The following B4GALNT3 variants were observed in gnomAD, a reference collection of about 807,000 sequenced individuals.
The protein encoded by B4GALNT3 is beta-1,4-N-acetyl-galactosaminyltransferase 3.
B4GALNT3 carries 86 observed loss-of-function variants against 120.2 expected under a neutral mutation model. That is an observed-to-expected ratio of 0.72 (90% CI 0.60 to 0.86). B4GALNT3 has a LOEUF of 0.86. B4GALNT3 is among the 40% of genes least tolerant of loss of function. The pLI is 0.00. For synonymous variants in B4GALNT3, 518 were observed against 510.4 expected (o/e 1.01, Z -0.20); for missense variants, 1,167 against 1,298.9 (o/e 0.90, Z 1.56).
chr12:474,488 G>C (rs756004475), intron 1 of B4GALNT3, among the ~76,000 whole-genome samples: 3 of 152,160 alleles, frequency 2.0e-5, no homozygotes, highest in Non-Finnish European at 4.4e-5. Context: ...TTTGTGGAGA[G>C]ATTTTTAACC....
chr12:507,117 C>T (rs934676992), intron 1 of B4GALNT3, among the ~76,000 whole-genome samples: 2 of 152,168 alleles, frequency 1.3e-5, no homozygotes, highest in African/African-American at 2.4e-5. Flanking sequence ...ATTATTAACT[C>T]AAGTTCATAC....
intron 1 of B4GALNT3, among the ~76,000 whole-genome samples, chr12:481,087 GAA>G (rs1946238151): frequency 6.6e-6 from 1 of 152,252 alleles, no homozygotes; most frequent in Non-Finnish European, 1.5e-5. Flanking sequence ...GACGCTGAGG[GAA>G]GGCGAGGTGG....
In B4GALNT3 at chr12:552,292, T is replaced by TACACACACAC. The variant is rs10604398; in HGVS notation, c.1209-140_1209-131dup. 5.0e-4 allele frequency: 312 copies of TACACACACAC among 627,106 alleles called. 2 individuals carry two copies. The highest frequency in any genetic ancestry group is 3.9e-3 in the African/African-American group (198 of 50,552). 38.8% of individuals were successfully genotyped at this position (627,106 alleles called of 1,614,324 possible). ...CTTTGCTCTTGCTCTTCCTGAGTACTACACACACACACACACACACACACA... is the reference window on the plus strand; with the variant it reads ...CTTTGCTCTTGCTCTTCCTGAGTACTACACACACACACACACACACACACACACACACACA... On this transcript the variant is annotated intron_variant, in intron 12 of 19. Coordinates refer to ENST00000266383, the MANE Select transcript of B4GALNT3 (RefSeq NM_173593.4).
intron 9 of B4GALNT3, among the ~76,000 whole-genome samples, chr12:549,538 C>T (rs531849677): frequency 7.9e-5 from 12 of 152,364 alleles, no homozygotes; most frequent in African/African-American, 2.4e-4. Flanking sequence ...TTTCCGAGTA[C>T]GCAACACAGT....
At chr12:496,112 C>A (rs1399806386) in intron 1 of B4GALNT3, among the ~76,000 whole-genome samples, 3 of 152,098 alleles carry the variant, frequency 2.0e-5, no homozygotes, top group African/African-American at 7.2e-5. Context: ...CATGCCATGT[C>A]CCCTGTCCAG....
At chr12:513,223 C>A (rs568149127) in intron 1 of B4GALNT3, among the ~76,000 whole-genome samples, 1 of 152,190 alleles carries the variant, frequency 6.6e-6, no homozygotes, top group East Asian at 1.9e-4. Context: ...CACTACCGTT[C>A]TTGGATTTTG....
intron 1 of B4GALNT3, among the ~76,000 whole-genome samples, chr12:467,022 G>C (rs1252928666): frequency 6.6e-6 from 1 of 152,114 alleles, no homozygotes; most frequent in Non-Finnish European, 1.5e-5. Context: ...CATCAGCATA[G>C]ATTAGTTTAG....
In B4GALNT3 at chr12:550,904, C is replaced by T. The variant is rs765865272; in HGVS notation, c.998-18C>T. The T allele has an allele frequency of 5.7e-6, 9 of 1,586,210 alleles. No individual in the cohort carries two copies. The African/African-American group carries it at 8.1e-5, about 14-fold the overall frequency. On this transcript the variant is annotated intron_variant, in intron 10 of 19. Transcript: ENST00000266383. This position sits in a 1 kb window ranked among gnomAD's most constrained non-coding sequence, Gnocchi z 4.1. The stretch of plus-strand genomic sequence containing the variant: ...GTGCTCACCCTCACCCTCACTCCTC[C>T]TCCTCCACTGTCCTCAGTGCCTCTG...
intron 1 of B4GALNT3, among the ~76,000 whole-genome samples, chr12:508,796 G>T (rs562462501): frequency 4.6e-5 from 7 of 152,304 alleles, no homozygotes; most frequent in African/African-American, 1.7e-4. Context: ...CACTTCAGCC[G>T]AAGTAAGGGA....
chr12:520,324 A>G (rs976131156), intron 1 of B4GALNT3, among the ~76,000 whole-genome samples: 8 of 152,226 alleles, frequency 5.3e-5, no homozygotes, highest in South Asian at 4.1e-4. Context: ...GACTATAGAG[A>G]TCTTTGAAAC....
chr12:493,963 G>T (rs1300739598), intron 1 of B4GALNT3, among the ~76,000 whole-genome samples: 1 of 152,082 alleles, frequency 6.6e-6, no homozygotes, highest in Non-Finnish European at 1.5e-5. Flanking sequence ...AATGACATAG[G>T]TCATCATTAG....
intron 1 of B4GALNT3, among the ~76,000 whole-genome samples, chr12:532,215 A>G (rs1001111941): frequency 6.6e-6 from 1 of 152,218 alleles, no homozygotes; most frequent in Non-Finnish European, 1.5e-5. Context: ...GCTGTTGACT[A>G]GCCCAAGTTT....
At chr12:555,882 C>T (rs1412391287) in intron 14 of B4GALNT3, among the ~76,000 whole-genome samples, 2 of 151,982 alleles carry the variant, frequency 1.3e-5, no homozygotes, top group Admixed American at 6.6e-5. Context: ...CTCCCGGGTT[C>T]ACGCCATTCT....
chr12:465,521 T>C lies in B4GALNT3; in HGVS notation c.169+4976T>C, dbSNP rs547665832. ...TAAGCGATAAGACATCAATGGTTTT[T>C]TTTTTTTTAATCATAAGCGTATTTT... On this transcript the variant is annotated intron_variant, in intron 1 of 19. Transcript: ENST00000266383. Among the ~76,000 whole-genome samples, 245 of 152,316 alleles carry C rather than the reference T, an allele frequency of 1.6e-3. 1 individual carries two copies. The highest frequency in any genetic ancestry group is 5.5e-3 in the African/African-American group (227 of 41,566).
intron 1 of B4GALNT3, among the ~76,000 whole-genome samples, chr12:493,385 A>T (rs1946361723): frequency 6.6e-6 from 1 of 152,220 alleles, no homozygotes; most frequent in African/African-American, 2.4e-5. Flanking sequence ...CACACCTATT[A>T]GAATGGCCAA....
chr12:460,286 C>A lies in B4GALNT3; in HGVS notation c.-91C>A. ...GCAGCCCTGAGACGCTGGGCCGGGACGCGGGGCGCCCTGGGCGCGGGGCCC... is the reference window on the plus strand; with the variant it reads ...GCAGCCCTGAGACGCTGGGCCGGGAAGCGGGGCGCCCTGGGCGCGGGGCCC... On this transcript the variant is annotated 5_prime_UTR_variant, in exon 1 of 20. Transcript: ENST00000266383. The surrounding 1 kb of genome is among the most constrained non-coding windows in gnomAD (Gnocchi z 8.0). The A allele has an allele frequency of 1.1e-6, 1 of 915,474 alleles. No homozygotes were observed. Among genetic ancestry groups the A allele is most frequent in the Non-Finnish European group, 1.3e-6 (1 of 768,098 alleles). 56.7% of individuals were successfully genotyped at this position (915,474 alleles called of 1,614,324 possible). A position where few individuals can be genotyped will look rare whatever the true frequency, so the allele number is the denominator to read the frequency against.
chr12:497,835 T>A (rs182260536), intron 1 of B4GALNT3, among the ~76,000 whole-genome samples: 6 of 152,294 alleles, frequency 3.9e-5, no homozygotes, highest in African/African-American at 1.4e-4. Context: ...TGGGCTGTTT[T>A]TGTTGCTCTC....
At chr12:499,788 G>A (rs149306677) in intron 1 of B4GALNT3, among the ~76,000 whole-genome samples, 176 of 152,344 alleles carry the variant, frequency 1.2e-3, no homozygotes, top group African/African-American at 4.0e-3. Flanking sequence ...TGGCTCCAGC[G>A]CTTACTTTCC....
At chr12:557,847 G>C in intron 16 of B4GALNT3, 86 bp downstream of exon 16, 2 of 1,510,970 alleles carry the variant, frequency 1.3e-6, no homozygotes, top group South Asian at 1.2e-5. Context: ...AGAGCCAGGA[G>C]TCCTGCCCAG....
Sources: allele counts gnomAD v4.1 joint callset (sites outside exome capture counted in the v4.1 genomes callset), GRCh38; gene constraint gnomAD v4.1.1; non-coding constraint Gnocchi (gnomAD v3.1); transcripts MANE v1.5; gene names NCBI Gene and HGNC (gene_info 2026-07-23, HGNC 2026-07-21).